The following EXD3 variants were observed in gnomAD, a reference collection of about 807,000 sequenced individuals.
EXD3 encodes exonuclease mut-7 homolog.
A neutral mutation model predicts 98.0 loss-of-function variants in EXD3; 92 were observed. That is an observed-to-expected ratio of 0.94 (90% CI 0.79 to 1.12). EXD3 has a LOEUF of 1.12. Ranked by LOEUF, EXD3 falls within the 50% of genes most tolerant of loss-of-function variation. The pLI, the probability that EXD3 is intolerant of heterozygous loss-of-function variation, is 0.00. For missense variants in EXD3, 1,222 were observed against 1,191.6 expected (o/e 1.03, Z -0.38); for synonymous variants, 569 against 526.0 (o/e 1.08, Z -1.12).
At chr9:137,374,494 G>GC in intron 3 of EXD3, 1 of 925,892 alleles carries the variant, frequency 1.1e-6, no homozygotes, top group Non-Finnish European at 1.3e-6. Flanking sequence ...TCCTGAGGCT[G>GC]CCGCGCAGCT....
chr9:137,333,164 T>C (rs916224465), intron 17 of EXD3, among the ~76,000 whole-genome samples: 1 of 152,168 alleles, frequency 6.6e-6, no homozygotes, highest in Non-Finnish European at 1.5e-5. Context: ...AACATCAGAC[T>C]CCAAGTTCCT....
intron 1 of EXD3, among the ~76,000 whole-genome samples, chr9:137,396,324 C>T (rs776036294): frequency 2.2e-4 from 33 of 152,332 alleles, no homozygotes; most frequent in Non-Finnish European, 4.4e-4. Flanking sequence ...TCACCCTTCT[C>T]CTTCAGTCTG....
chr9:137,339,989 T>C (rs981789652), intron 17 of EXD3, among the ~76,000 whole-genome samples: 1 of 152,148 alleles, frequency 6.6e-6, no homozygotes, highest in Non-Finnish European at 1.5e-5. Context: ...CCCCAAATAA[T>C]GGACAACCAA....
rs532868611 is a variant in EXD3, at chr9:137,419,601, G to A, written c.-48+3513C>T. Among the ~76,000 whole-genome samples, 76 of 152,008 alleles carry A rather than the reference G, an allele frequency of 5.0e-4. 1 individual carries two copies. In the East Asian group the frequency reaches 8.4e-3, roughly 17 times the overall value. ...GGAGAATCGCTTGAACCTGGGAGGC[G>A]GAGGTTGCAGTGAGCCAAGATCGCA... On this transcript the variant is annotated intron_variant, in intron 1 of 21. Coordinates refer to ENST00000340951, the MANE Select transcript of EXD3 (RefSeq NM_017820.5).
chr9:137,390,502 C>T (rs548318375), intron 2 of EXD3, among the ~76,000 whole-genome samples: 1 of 152,016 alleles, frequency 6.6e-6, no homozygotes, highest in Admixed American at 6.6e-5. Context: ...ACAGTATGTT[C>T]TGGGTGGTTT....
chr9:137,351,912 G>A (rs1834327019), intron 12 of EXD3, among the ~76,000 whole-genome samples, 154 bp downstream of exon 12: 1 of 152,218 alleles, frequency 6.6e-6, no homozygotes, highest in Non-Finnish European at 1.5e-5. Flanking sequence ...AGCACAGTGT[G>A]GGGAACGGCT....
chr9:137,353,437 C>T (rs1203395973), intron 10 of EXD3: 6 of 985,370 alleles, frequency 6.1e-6, no homozygotes, highest in Non-Finnish European at 6.0e-6. Context: ...TGCCCCTTCC[C>T]CTCCTCCTCA....
Position 137,371,124 on chromosome 9 carries a change from G to A in EXD3, c.462+1781C>T, listed in dbSNP as rs1011017430. 1.6e-4 allele frequency among the ~76,000 whole-genome samples: 25 copies of A among 152,290 alleles called. No individual in the cohort carries two copies. Among genetic ancestry groups the A allele is most frequent in the African/African-American group, 4.3e-4 (18 of 41,564 alleles). On this transcript the variant is annotated intron_variant, in intron 5 of 21. Coordinates refer to ENST00000340951, the MANE Select transcript of EXD3 (RefSeq NM_017820.5). The surrounding 1 kb of genome is among the most constrained non-coding windows in gnomAD (Gnocchi z 8.0). ...CCCTTTGTGTGGGGATTCCTGCCTC[G>A]GAGCGCGAGGGAGGCGCATTCAGCC... is the stretch of plus-strand genomic sequence containing the variant.
intron 17 of EXD3, among the ~76,000 whole-genome samples, chr9:137,329,289 G>A (rs1424057015): frequency 7.9e-5 from 1 of 12,738 alleles, no homozygotes; most frequent in African/African-American, 9.0e-4. Context: ...GCTACACGGG[G>A]CTACAGGGGG....
At chr9:137,341,100 G>A (rs1393695601) in intron 17 of EXD3, among the ~76,000 whole-genome samples, 9 of 152,192 alleles carry the variant, frequency 5.9e-5, no homozygotes, top group South Asian at 2.1e-4. Flanking sequence ...AGGGTCGCTC[G>A]AGGCCAGGAG....
chr9:137,325,984 G>A (rs113711770), intron 17 of EXD3, among the ~76,000 whole-genome samples: 1 of 151,764 alleles, frequency 6.6e-6, no homozygotes, highest in Non-Finnish European at 1.5e-5. Flanking sequence ...GGAAGTCGAC[G>A]TGGGATGATC....
chr9:137,420,384 T>G (rs1329461414), intron 1 of EXD3, among the ~76,000 whole-genome samples: 1 of 152,190 alleles, frequency 6.6e-6, no homozygotes, highest in East Asian at 1.9e-4. Context: ...TTTCTCTACC[T>G]GATTTCTCAA....
rs756735695 is a variant in EXD3, at chr9:137,372,922, C to T, written c.445G>A (p.Glu149Lys). ...CCACTCACTTCTCTGAACCTGCCCT[C>T]GTGGTGGAGGCGGTGGACGTGTGCC... ...LLAHVHRLHH[E>K]GRFREAATLG... Residue 149 changes from glutamate (E) to lysine (K), a missense_variant, in exon 5 of 22, where the codon GAG (glutamate) becomes AAG (lysine). Physicochemically the swap from Glu to Lys is moderately conservative, Grantham distance 56 (BLOSUM62 1). Transcript: ENST00000340951. 14 of 1,599,586 alleles carry T rather than the reference C, an allele frequency of 8.8e-6. No individual in the cohort carries two copies. The highest frequency in any genetic ancestry group is 2.7e-5 in the African/African-American group (2 of 74,906).
chr9:137,379,224 G>A (rs868500086), intron 3 of EXD3, among the ~76,000 whole-genome samples: 84 of 131,838 alleles, frequency 6.4e-4, no homozygotes, highest in East Asian at 1.2e-3. Context: ...TGTGGGTGAC[G>A]GTGACCGTTG....
At chr9:137,378,637 C>T (rs1237604297) in intron 3 of EXD3, among the ~76,000 whole-genome samples, 1 of 152,246 alleles carries the variant, frequency 6.6e-6, no homozygotes, top group Non-Finnish European at 1.5e-5. Flanking sequence ...GAAGAAACAG[C>T]ATGTGGCCTG....
At chr9:137,309,570 GC>G (rs1193023852) in intron 20 of EXD3, 36 bp downstream of exon 20, 2 of 1,518,672 alleles carry the variant, frequency 1.3e-6, no homozygotes, top group Admixed American at 2.0e-5. Flanking sequence ...CCCATCCCAG[GC>G]CCCCCAGACC....
chr9:137,417,102 C>G (rs1838269910), intron 1 of EXD3, among the ~76,000 whole-genome samples: 1 of 152,194 alleles, frequency 6.6e-6, no homozygotes, highest in African/African-American at 2.4e-5. Context: ...ACCGAGCTCC[C>G]GGGCAAAGCC....
chr9:137,396,308 C>G (rs74422930), intron 1 of EXD3, among the ~76,000 whole-genome samples: 1 of 152,194 alleles, frequency 6.6e-6, no homozygotes, highest in Non-Finnish European at 1.5e-5. Flanking sequence ...TCTACACTTA[C>G]GAGGGTCACC....
At chr9:137,376,670 C>T (rs1835921465) in intron 3 of EXD3, among the ~76,000 whole-genome samples, 1 of 152,150 alleles carries the variant, frequency 6.6e-6, no homozygotes, top group African/African-American at 2.4e-5. Flanking sequence ...TGGTTCACGC[C>T]TGTAATCCTA....
Sources: allele counts gnomAD v4.1 joint callset (sites outside exome capture counted in the v4.1 genomes callset), GRCh38; gene constraint gnomAD v4.1.1; non-coding constraint Gnocchi (gnomAD v3.1); transcripts MANE v1.5; gene names NCBI Gene and HGNC (gene_info 2026-07-23, HGNC 2026-07-21).